The following TJP2 variants were observed in gnomAD, a reference collection of about 807,000 sequenced individuals.
TJP2 encodes tight junction protein 2, also known as Friedreich ataxia region gene X104 (tight junction protein ZO-2).
Under a neutral mutation model 133.1 loss-of-function variants are expected in TJP2, and 91 were observed. The ratio of observed to expected loss-of-function variants is 0.68; its 90% CI spans 0.58 to 0.81. TJP2 has a LOEUF of 0.81. TJP2 is among the 40% of genes least tolerant of loss of function. The pLI, the probability that TJP2 is intolerant of heterozygous loss-of-function variation, is 0.00. For missense variants in TJP2, 1,541 were observed against 1,565.6 expected, an observed-to-expected ratio of 0.98 and a Z score of 0.26; for synonymous variants, 592 against 583.4, an observed-to-expected ratio of 1.01 and a Z score of -0.21.
At chr9:69,194,268 A>T (rs1441416220) in intron 1 of TJP2, among the ~76,000 whole-genome samples, 1 of 152,020 alleles carries the variant, frequency 6.6e-6, no homozygotes, top group African/African-American at 2.4e-5. Flanking sequence ...AATAAGTACT[A>T]TTTTTTTCTT....
At chr9:69,242,231 G>A (rs1394305408) in intron 17 of TJP2, among the ~76,000 whole-genome samples, 1 of 152,184 alleles carries the variant, frequency 6.6e-6, no homozygotes, top group Non-Finnish European at 1.5e-5. Context: ...AGCTGGCTGA[G>A]TGTGAGTAAG....
intron 22 of TJP2, 41 bp from the exon 23 acceptor site, chr9:69,254,168 G>A: frequency 4.3e-6 from 7 of 1,612,848 alleles, no homozygotes; most frequent in Non-Finnish European, 5.9e-6. Flanking sequence ...CGGAGGACAT[G>A]GATGTGCTCT....
Position 69,251,030 on chromosome 9 carries a change from C to T in TJP2, c.2992-5C>T, listed in dbSNP as rs781291699. The T allele has an allele frequency of 2.0e-5, 33 of 1,613,810 alleles. No individual in the cohort carries two copies. The highest frequency in any genetic ancestry group is 6.7e-5 in the East Asian group (3 of 44,900). Reference sequence around the variant, plus strand: ...AGGGTGAAAACGTGTCATTGCTCTCCGCAGGCCAAAACCCAGAACAAAGAA... The same window carrying T: ...AGGGTGAAAACGTGTCATTGCTCTCTGCAGGCCAAAACCCAGAACAAAGAA... On this transcript the variant is annotated splice_region_variant and splice_polypyrimidine_tract_variant and intron_variant, in intron 20 of 22. Transcript: ENST00000377245.
chr9:69,140,591 G>T (rs1359531489), intron 1 of TJP2, among the ~76,000 whole-genome samples: 1 of 152,178 alleles, frequency 6.6e-6, no homozygotes, highest in Non-Finnish European at 1.5e-5. Flanking sequence ...TGTGAGGGGT[G>T]TTCCTTTCCT....
intron 1 of TJP2, among the ~76,000 whole-genome samples, chr9:69,192,981 G>A (rs1826308247): frequency 6.7e-6 from 1 of 148,862 alleles, no homozygotes; most frequent in South Asian, 2.1e-4. Flanking sequence ...GTGTCCAGTG[G>A]CACAGTCTCA....
chr9:69,211,336 CAAACAAAACA>C (rs962921858), intron 1 of TJP2, among the ~76,000 whole-genome samples: 17 of 152,174 alleles, frequency 1.1e-4, no homozygotes, highest in African/African-American at 3.9e-4. Context: ...GACTCCGTCT[CAAACAAAACA>C]AAACAAAACA....
chr9:69,130,804 A>G (rs890188916), intron 1 of TJP2, among the ~76,000 whole-genome samples: 11 of 152,142 alleles, frequency 7.2e-5, no homozygotes, highest in African/African-American at 2.7e-4. Context: ...TAAGGAAGAA[A>G]TGGACAGAGG....
At chr9:69,235,971 T>A in intron 12 of TJP2, 57 bp from the exon 13 acceptor site, 1 of 1,500,518 alleles carries the variant, frequency 6.7e-7, no homozygotes, top group Non-Finnish European at 9.3e-7. Flanking sequence ...GTGTTGAGTG[T>A]CTAGTACTGT....
chr9:69,173,994 C>T (rs1824849721), upstream of TJP2: 5 of 985,046 alleles, frequency 5.1e-6, no homozygotes, highest in Non-Finnish European at 6.0e-6. Context: ...GCGGGCCGCT[C>T]GGGCCTTGGG....
At chr9:69,171,237 C>A (rs1687476908), upstream of TJP2, among the ~76,000 whole-genome samples, 1 of 152,200 alleles carries the variant, frequency 6.6e-6, no homozygotes, top group Non-Finnish European at 1.5e-5. Context: ...GGCAGTCATC[C>A]AGCCTGCTGA....
intron 1 of TJP2, among the ~76,000 whole-genome samples, chr9:69,127,227 G>A (rs1317591518): frequency 1.4e-5 from 1 of 71,078 alleles, no homozygotes; most frequent in African/African-American, 4.7e-5. Flanking sequence ...CCGCCACCAC[G>A]CCCGGCTAAT....
At chr9:69,236,286 C>A in intron 13 of TJP2, 48 bp downstream of exon 13, 1 of 1,595,656 alleles carries the variant, frequency 6.3e-7, no homozygotes, top group Non-Finnish European at 8.6e-7. Context: ...CTTCCCCCTG[C>A]AGAAAACTAG....
chr9:69,137,270 T>C (rs9696232), intron 1 of TJP2, among the ~76,000 whole-genome samples: 7 of 91,078 alleles, frequency 7.7e-5, no homozygotes, highest in African/African-American at 3.6e-4. Flanking sequence ...TCTTTCTTTC[T>C]TTTTCTTTCT....
chr9:69,190,821 C>T (rs953709378), intron 1 of TJP2, among the ~76,000 whole-genome samples: 3 of 152,192 alleles, frequency 2.0e-5, no homozygotes, highest in Admixed American at 2.0e-4. Flanking sequence ...GTTTTTTCTG[C>T]CTGCTAGCTA....
chr9:69,135,755 G>A (rs1007111926), intron 1 of TJP2, among the ~76,000 whole-genome samples: 2 of 152,080 alleles, frequency 1.3e-5, no homozygotes, highest in South Asian at 2.1e-4. Flanking sequence ...ATAGGCTCGC[G>A]CCATCACGCC....
chr9:69,212,524 A>G (rs1273701361), intron 1 of TJP2, 24 bp from the exon 2 acceptor site: 1 of 1,590,864 alleles, frequency 6.3e-7, no homozygotes, highest in Admixed American at 1.7e-5. Flanking sequence ...TTTTCATCAG[A>G]TTGGTTTTGT....
intron 17 of TJP2, among the ~76,000 whole-genome samples, chr9:69,245,631 A>G (rs1830870464): frequency 6.6e-6 from 1 of 152,156 alleles, no homozygotes; most frequent in Admixed American, 6.5e-5. Context: ...TCCAAGCTTC[A>G]CACTTGCTTG....
At position 69,216,409 on chromosome 9, in the gene TJP2, C is replaced by T. The variant is rs138241615; in HGVS notation, c.185C>T (p.Thr62Met). 2.4e-3 allele frequency: 3,854 copies of T among 1,614,136 alleles called. 8 individuals carry two copies. The highest frequency in any genetic ancestry group is 3.1e-3 in the Middle Eastern group (19 of 6,062). Residue 62 changes from threonine (T) to methionine (M), a missense_variant, in exon 3 of 23, where the codon ACG becomes ATG. Thr to Met is a moderately conservative substitution (Grantham distance 81). Coordinates refer to ENST00000377245, the MANE Select transcript of TJP2 (RefSeq NM_004817.4). ...AACCCCCACTTTGAAAATGGAGAAA[C>T]GTCAATTGTCATTTCTGATGTGCTC... ...RDNPHFENGE[T>M]SIVISDVLPG...
chr9:69,251,905 G>A (rs1377278589), intron 21 of TJP2, among the ~76,000 whole-genome samples: 1 of 152,170 alleles, frequency 6.6e-6, no homozygotes, highest in Non-Finnish European at 1.5e-5. Context: ...AACAGCAGCA[G>A]TACATCTGAG....
Sources: gnomAD v4.1 joint callset for allele counts (sites outside exome capture counted in the v4.1 genomes callset) on GRCh38, gnomAD v4.1.1 for gene constraint, MANE v1.5 for transcripts, NCBI Gene and HGNC (gene_info 2026-07-23, HGNC 2026-07-21) for gene names.